The following DCLK1 variants were observed in gnomAD, a reference collection of about 807,000 sequenced individuals.
The protein encoded by DCLK1 is doublecortin like kinase 1, also known as serine/threonine-protein kinase DCLK1.
A neutral mutation model predicts 86.2 loss-of-function variants in DCLK1; 16 were observed. The ratio of observed to expected loss-of-function variants is 0.19; its 90% CI spans 0.13 to 0.28. DCLK1 has a LOEUF of 0.28. Ranked by LOEUF, DCLK1 falls within the 10% of genes least tolerant of loss-of-function variation. DCLK1 has a pLI of 1.00. For synonymous variants in DCLK1, 369 were observed against 370.5 expected (o/e 1.00, Z 0.05); for missense variants, 590 against 940.2 (o/e 0.63, Z 4.87).
At chr13:35,786,416 G>C (rs1419290110) in intron 16 of DCLK1, among the ~76,000 whole-genome samples, 3 of 152,116 alleles carry the variant, frequency 2.0e-5, no homozygotes, top group Non-Finnish European at 4.4e-5. Context: ...AAAAAGGATG[G>C]AGCATGGTGT....
At chr13:36,046,980 A>G (rs1882938512) in intron 3 of DCLK1, among the ~76,000 whole-genome samples, 1 of 152,232 alleles carries the variant, frequency 6.6e-6, no homozygotes, top group Non-Finnish European at 1.5e-5. Context: ...GAGCAACTCA[A>G]TTGCAAGAAA....
intron 6 of DCLK1, chr13:35,849,818 T>C (rs538873160): frequency 3.8e-5 from 37 of 984,962 alleles, no homozygotes; most frequent in Non-Finnish European, 4.3e-5. Context: ...GCTTTTCAAA[T>C]GGATTTCTTG....
chr13:36,051,196 T>G (rs1399945160), intron 3 of DCLK1, among the ~76,000 whole-genome samples: 2 of 152,188 alleles, frequency 1.3e-5, no homozygotes, highest in African/African-American at 4.8e-5. Context: ...TGATCTCCCC[T>G]TCTTAGACAC....
intron 3 of DCLK1, among the ~76,000 whole-genome samples, chr13:36,074,433 T>G (rs1390690287): frequency 2.9e-5 from 3 of 104,470 alleles, no homozygotes; most frequent in African/African-American, 1.2e-4. Flanking sequence ...GAGCCTGCAG[T>G]GAGCTCCAGC....
In DCLK1 at chr13:35,982,411, A is replaced by G. The variant is rs997586500; in HGVS notation, c.724-34954T>C. Among the ~76,000 whole-genome samples, 315 of 37,262 alleles carry G rather than the reference A, an allele frequency of 8.5e-3. 3 individuals carry two copies. The highest frequency in any genetic ancestry group is 0.024 in the African/African-American group (300 of 12,524). The allele number at this position is 37,262 out of a possible 152,430, so 24.4% of individuals were successfully genotyped here. On this transcript the variant is annotated intron_variant, in intron 3 of 16. Coordinates refer to ENST00000360631, the MANE Select transcript of DCLK1 (RefSeq NM_001330071.2). The stretch of plus-strand genomic sequence containing the variant: ...AAAGAAAAGAAAAGAAAAGAAAGGG[A>G]GAGAGAGAGAGAGAGAGAGAGGGGG...
intron 2 of DCLK1, among the ~76,000 whole-genome samples, chr13:36,115,273 C>G (rs184834059): frequency 6.6e-6 from 1 of 152,082 alleles, no homozygotes; most frequent in African/African-American, 2.4e-5. Context: ...CCCCACACCC[C>G]GAAGTCTTTT....
In DCLK1 at chr13:35,822,915, C is replaced by A. The variant is rs771347789; in HGVS notation, c.1408-40G>T. 3.1e-6 allele frequency: 5 copies of A among 1,609,602 alleles called. No individual in the cohort carries two copies. The East Asian group carries it at 1.1e-4, about 36-fold the overall frequency. Reference sequence around the variant, plus strand: ...GAAGCTGAAGCAGCACATTAACAGACGGGCCAGTGGGGCCACCTGCAGAGG... The same window carrying A: ...GAAGCTGAAGCAGCACATTAACAGAAGGGCCAGTGGGGCCACCTGCAGAGG... On this transcript the variant is annotated intron_variant, in intron 10 of 16. Coordinates refer to ENST00000360631, the MANE Select transcript of DCLK1 (RefSeq NM_001330071.2).
chr13:35,929,216 T>G (rs1325536604), intron 4 of DCLK1, among the ~76,000 whole-genome samples: 1 of 152,312 alleles, frequency 6.6e-6, no homozygotes, highest in Admixed American at 6.5e-5. Flanking sequence ...TTAAAAAGCT[T>G]ATACTAATCT....
At chr13:35,890,530 T>C (rs962824239) in intron 4 of DCLK1, among the ~76,000 whole-genome samples, 2 of 152,222 alleles carry the variant, frequency 1.3e-5, no homozygotes, top group African/African-American at 4.8e-5. Flanking sequence ...TTTTTGTGAT[T>C]ACAAATAAAC....
At chr13:36,090,152 G>C (rs1006490040) in intron 3 of DCLK1, among the ~76,000 whole-genome samples, 1 of 152,196 alleles carries the variant, frequency 6.6e-6, no homozygotes, top group Non-Finnish European at 1.5e-5. Flanking sequence ...GGAAAGGAAA[G>C]TTATTTGACA....
intron 3 of DCLK1, among the ~76,000 whole-genome samples, chr13:36,043,899 C>T (rs1054696797): frequency 2.6e-5 from 4 of 152,112 alleles, no homozygotes; most frequent in African/African-American, 9.7e-5. Context: ...GAGATACATT[C>T]CCCAAAAACT....
At chr13:35,803,675 G>A (rs1321819367) in intron 15 of DCLK1, among the ~76,000 whole-genome samples, 1 of 152,154 alleles carries the variant, frequency 6.6e-6, no homozygotes, top group Admixed American at 6.5e-5. Context: ...CACATTGACT[G>A]TGCTTTCAAT....
At chr13:35,882,017 T>C (rs1190411858) in intron 4 of DCLK1, among the ~76,000 whole-genome samples, 8 of 152,226 alleles carry the variant, frequency 5.3e-5, no homozygotes, top group Non-Finnish European at 1.2e-4. Flanking sequence ...TTAGTTGCCA[T>C]AACAAATTAC....
intron 3 of DCLK1, among the ~76,000 whole-genome samples, chr13:35,986,523 T>C (rs542971584): frequency 8.3e-4 from 126 of 152,152 alleles, no homozygotes; most frequent in African/African-American, 2.9e-3. Context: ...CAGATCTGAG[T>C]AGCCAGCTAA....
At chr13:36,034,874 T>C (rs1358798630) in intron 3 of DCLK1, among the ~76,000 whole-genome samples, 2 of 152,038 alleles carry the variant, frequency 1.3e-5, no homozygotes, top group Non-Finnish European at 2.9e-5. Flanking sequence ...AGAAAGGGTG[T>C]TGGTAAGGAG....
intron 8 of DCLK1, among the ~76,000 whole-genome samples, chr13:35,834,492 T>A (rs1869209295): frequency 6.6e-6 from 1 of 152,334 alleles, no homozygotes; most frequent in South Asian, 2.1e-4. Flanking sequence ...AACATGTCCA[T>A]GTTTTCTATC....
At chr13:36,097,368 G>A (rs1294779012) in intron 3 of DCLK1, among the ~76,000 whole-genome samples, 1 of 152,082 alleles carries the variant, frequency 6.6e-6, no homozygotes, top group African/African-American at 2.4e-5. Context: ...TTTGTAGTAC[G>A]AAAATTATAG....
At chr13:35,938,809 T>A (rs1876916465) in intron 4 of DCLK1, among the ~76,000 whole-genome samples, 1 of 152,168 alleles carries the variant, frequency 6.6e-6, no homozygotes, top group African/African-American at 2.4e-5. Context: ...AGGATTCACC[T>A]ATAATTCTAT....
chr13:36,062,806 C>T (rs1883602878), intron 3 of DCLK1, among the ~76,000 whole-genome samples: 1 of 152,186 alleles, frequency 6.6e-6, no homozygotes. Flanking sequence ...CTTAAATAAA[C>T]ATTGAATATA....
Sources: gnomAD v4.1 joint callset for allele counts (sites outside exome capture counted in the v4.1 genomes callset) on GRCh38, gnomAD v4.1.1 for gene constraint, MANE v1.5 for transcripts, NCBI Gene and HGNC (gene_info 2026-07-23, HGNC 2026-07-21) for gene names.